Variants in AK8 observed in about 807,000 individuals in gnomAD.
AK8 encodes the protein ATP-AMP transphosphorylase 8.
In AK8, 44 loss-of-function variants were observed where a neutral mutation model predicts 54.6. The observed-to-expected ratio is 0.81, with a 90% CI of 0.63 to 1.04. The LOEUF (loss-of-function observed/expected upper bound fraction) is 1.04, where lower values mean the gene tolerates loss of function less well. Among genes scored for constraint, AK8 ranks in the 50% least tolerant of loss-of-function variants. The probability of loss-of-function intolerance (pLI) is 0.00; values close to 1 mark genes in which losing one functional copy is unlikely to be tolerated. For synonymous variants in AK8, 239 were observed against 245.6 expected (o/e 0.97, Z 0.25); for missense variants, 555 against 613.6 (o/e 0.90, Z 1.01).
chr9:132,857,552 A>C, intron 4 of AK8, among the ~76,000 whole-genome samples: 1 of 150,062 alleles, frequency 6.7e-6, no homozygotes. Context: ...ATCCCCTTTC[A>C]TCCTTTCCCA....
intron 4 of AK8, among the ~76,000 whole-genome samples, chr9:132,861,774 T>C (rs1043827221): frequency 5.9e-5 from 9 of 152,248 alleles, no homozygotes; most frequent in Non-Finnish European, 1.2e-4. Context: ...ATGAGAGGCC[T>C]TGACTGGCAG....
At chr9:132,766,108 C>A (rs1838714267) in intron 11 of AK8, among the ~76,000 whole-genome samples, 1 of 152,102 alleles carries the variant, frequency 6.6e-6, no homozygotes, top group Admixed American at 6.6e-5. Context: ...CAAAACAATA[C>A]CTAAGAATAA....
intron 11 of AK8, among the ~76,000 whole-genome samples, chr9:132,788,752 G>T (rs778089800): frequency 6.6e-6 from 1 of 152,160 alleles, no homozygotes; most frequent in Non-Finnish European, 1.5e-5. Flanking sequence ...GCCCCAAAGT[G>T]CCAGATCCAA....
At chr9:132,853,904 A>C (rs1302433494) in intron 5 of AK8, among the ~76,000 whole-genome samples, 6 of 152,058 alleles carry the variant, frequency 3.9e-5, no homozygotes, top group African/African-American at 1.2e-4. Flanking sequence ...AAAAAAGAAA[A>C]AACTGTAAGT....
chr9:132,795,393 G>A (rs215190), intron 10 of AK8, among the ~76,000 whole-genome samples: 10,932 of 152,156 alleles, frequency 0.072, 1,227 homozygotes, highest in African/African-American at 0.24. Flanking sequence ...CTGGGGCGTG[G>A]GGAGCCAGCT....
rs996106791 is a variant in AK8, at chr9:132,863,922, C to T, written c.220-144G>A. On this transcript the variant is annotated intron_variant, in intron 3 of 12. Transcript: ENST00000298545. ...CAATTATTTCCAGCTGGAGGACGGC[C>T]ACCAAGGGAGACCCACCCATAAAGC... 6 of 660,256 alleles carry T rather than the reference C, an allele frequency of 9.1e-6. 1 individual carries two copies. The allele number at this position is 660,256 out of a possible 1,614,324, so 40.9% of individuals were successfully genotyped here. A position where few individuals can be genotyped will look rare whatever the true frequency, so the allele number is the denominator to read the frequency against.
chr9:132,878,776 CG>C, upstream of AK8: 1 of 985,696 alleles, frequency 1.0e-6, no homozygotes, highest in South Asian at 4.7e-5. The surrounding 1 kb of genome is among the most constrained non-coding windows in gnomAD (Gnocchi z 4.7). Context: ...AGTCGAGCCC[CG>C]GTAGACCCCT....
chr9:132,758,749 G>A (rs908304875), intron 11 of AK8, among the ~76,000 whole-genome samples: 2 of 151,810 alleles, frequency 1.3e-5, no homozygotes, highest in Non-Finnish European at 2.9e-5. Context: ...ATGAGCCACC[G>A]CATTTTCCAT....
chr9:132,759,213 A>AT (rs1315845662), intron 11 of AK8, among the ~76,000 whole-genome samples: 2 of 151,890 alleles, frequency 1.3e-5, no homozygotes, highest in African/African-American at 4.8e-5. Flanking sequence ...AAAAAAAAAA[A>AT]AAATAGAAAT....
At chr9:132,844,191 G>A (rs1486320991) in intron 5 of AK8, among the ~76,000 whole-genome samples, 1 of 149,734 alleles carries the variant, frequency 6.7e-6, no homozygotes, top group African/African-American at 2.5e-5. Context: ...CCAACAGGTA[G>A]AGCCAACTCC....
chr9:132,730,150 G>A (rs895643141), intron 11 of AK8, among the ~76,000 whole-genome samples: 2 of 152,068 alleles, frequency 1.3e-5, no homozygotes, highest in Non-Finnish European at 2.9e-5. Context: ...TTTTCTGTTC[G>A]TTTCAGACTG....
intron 1 of AK8, among the ~76,000 whole-genome samples, chr9:132,876,114 C>A (rs1220623528): frequency 6.6e-6 from 1 of 152,112 alleles, no homozygotes; most frequent in African/African-American, 2.4e-5. Flanking sequence ...GAGTGTGGGG[C>A]AGGGAAAGAG....
intron 11 of AK8, among the ~76,000 whole-genome samples, chr9:132,757,211 T>C (rs1043656058): frequency 6.6e-6 from 1 of 152,120 alleles, no homozygotes; most frequent in Non-Finnish European, 1.5e-5. Flanking sequence ...TTCCCACCGT[T>C]AGCGGGAGAG....
intron 4 of AK8, among the ~76,000 whole-genome samples, chr9:132,859,226 G>A (rs1274910355): frequency 6.6e-6 from 1 of 152,112 alleles, no homozygotes; most frequent in African/African-American, 2.4e-5. Context: ...TATGTTTCTT[G>A]TGTGCAGACA....
At chr9:132,874,980 T>C (rs1376438847) in intron 2 of AK8, 135 bp downstream of exon 2, 2 of 1,125,556 alleles carry the variant, frequency 1.8e-6, no homozygotes, top group Non-Finnish European at 2.6e-6. Flanking sequence ...GACAGAATGG[T>C]GCTCAGCTAT....
At position 132,756,574 on chromosome 9, in the gene AK8, C is replaced by G. The variant is rs553841719; in HGVS notation, c.1122-29040G>C. Among the ~76,000 whole-genome samples, 206 of 152,264 alleles carry G rather than the reference C, an allele frequency of 1.4e-3. 1 individual carries two copies. Among genetic ancestry groups the G allele is most frequent in the African/African-American group, 4.8e-3 (200 of 41,544 alleles). On this transcript the variant is annotated intron_variant, in intron 11 of 12. Coordinates refer to ENST00000298545, the MANE Select transcript of AK8 (RefSeq NM_152572.3). ...GGTGAGGGGAGAGGCGATCAGCTGC[C>G]GGGGGCCACACTCCGAAGTGCGAAC...
At chr9:132,850,054 ATTTT>A (rs779350912) in intron 5 of AK8, among the ~76,000 whole-genome samples, 3 of 101,326 alleles carry the variant, frequency 3.0e-5, no homozygotes, top group Non-Finnish European at 2.1e-5. Context: ...ACCCTAGTAC[ATTTT>A]TTTTTTTTTT....
rs527330935 is a variant in AK8 at position 132,770,578 on chromosome 9, G to A, written c.1121+22056C>T. ...CTGAGCAGCCCGCGTGAGGGTCAGT[G>A]GTGACTTCCGGGATTGAATTGGCTG... On this transcript the variant is annotated intron_variant, in intron 11 of 12. Transcript: ENST00000298545. This position sits in a 1 kb window ranked among gnomAD's most constrained non-coding sequence, Gnocchi z 4.3. 6.6e-6 allele frequency among the ~76,000 whole-genome samples: 1 copy of A among 152,314 alleles called. No individual in the cohort carries two copies. The highest frequency in any genetic ancestry group is 2.4e-5 in the African/African-American group (1 of 41,582).
At chr9:132,863,641 C>T (rs1843476413) in intron 4 of AK8, 24 bp downstream of exon 4, 1 of 1,556,960 alleles carries the variant, frequency 6.4e-7, no homozygotes, top group East Asian at 2.2e-5. Flanking sequence ...GTGTGCCTAC[C>T]CCTGTCCCCG....
Sources: allele counts gnomAD v4.1 joint callset (sites outside exome capture counted in the v4.1 genomes callset), GRCh38; gene constraint gnomAD v4.1.1; non-coding constraint Gnocchi (gnomAD v3.1); transcripts MANE v1.5; gene names NCBI Gene and HGNC (gene_info 2026-07-23, HGNC 2026-07-21).